Variants in TNS3 observed in about 807,000 individuals in gnomAD.
The protein encoded by TNS3 is tensin 3.
A neutral mutation model predicts 140.9 loss-of-function variants in TNS3; 45 were observed. That is an observed-to-expected ratio of 0.32 (90% CI 0.25 to 0.41). The LOEUF (loss-of-function observed/expected upper bound fraction) is 0.41, where lower values mean the gene tolerates loss of function less well. Among genes scored for constraint, TNS3 ranks in the 10% least tolerant of loss-of-function variants. TNS3 has a pLI of 1.00. For missense variants in TNS3, 1,716 were observed against 1,906.7 expected (o/e 0.90, Z 1.86); for synonymous variants, 815 against 788.4 (o/e 1.03, Z -0.56).
intron 27 of TNS3, among the ~76,000 whole-genome samples, chr7:47,289,369 G>A (rs7791236): frequency 0.38 from 57,153 of 151,992 alleles, 11,289 homozygotes; most frequent in Non-Finnish European, 0.44. Flanking sequence ...TTGAAAGTCA[G>A]GGTTTGAAAG....
intron 2 of TNS3, 111 bp from the exon 3 acceptor site, chr7:47,507,055 A>T (rs569912585): frequency 2.2e-6 from 2 of 897,310 alleles, no homozygotes; most frequent in African/African-American, 1.7e-5. Flanking sequence ...AAGATCCCAT[A>T]GGTGGCCTCT....
chr7:47,522,606 T>C (rs1466049268), intron 2 of TNS3, among the ~76,000 whole-genome samples: 3 of 152,224 alleles, frequency 2.0e-5, no homozygotes, highest in African/African-American at 7.2e-5. Context: ...AAAAGACTTC[T>C]GAAACATGGA....
chr7:47,302,815 C>A, intron 22 of TNS3, 135 bp downstream of exon 22: 1 of 1,249,718 alleles, frequency 8.0e-7, no homozygotes. Flanking sequence ...GAAAAGTACC[C>A]CAACGGCTCT....
chr7:47,563,361 C>T (rs1431666527), intron 1 of TNS3, among the ~76,000 whole-genome samples: 1 of 152,244 alleles, frequency 6.6e-6, no homozygotes, highest in Non-Finnish European at 1.5e-5. Context: ...TGGGTGCTCA[C>T]TCTGAAAGGT....
chr7:47,400,712 T>G (rs1793107113), intron 14 of TNS3, 73 bp downstream of exon 14: 2 of 1,583,270 alleles, frequency 1.3e-6, no homozygotes, highest in Admixed American at 1.8e-5. Flanking sequence ...GTAAAGGGGA[T>G]AGTGAAAGAA....
In TNS3 at chr7:47,435,271, GGC is replaced by G. The variant is rs2151535950; in HGVS notation, c.324+9_324+10del. 2.5e-6 allele frequency: 4 copies of G among 1,613,614 alleles called. No homozygotes were observed. In the East Asian group the frequency reaches 8.9e-5, roughly 36 times the overall value. On this transcript the variant is annotated intron_variant, in intron 8 of 30. Coordinates refer to ENST00000311160, the MANE Select transcript of TNS3 (RefSeq NM_022748.12). Reference sequence around the variant, plus strand: ...AGCCAGACCCCCAAATGTGAGAGGGGGCGCACTCACCCTGCAGTGAATGACGA... The same window carrying G: ...AGCCAGACCCCCAAATGTGAGAGGGGGCACTCACCCTGCAGTGAATGACGA...
chr7:47,355,542 G>A (rs1789944909), intron 17 of TNS3, among the ~76,000 whole-genome samples: 2 of 152,178 alleles, frequency 1.3e-5, no homozygotes. Flanking sequence ...AGCCCAGCCT[G>A]GGGGTCAGCA....
At chr7:47,391,228 T>A (rs1430187336) in intron 16 of TNS3, among the ~76,000 whole-genome samples, 1 of 152,154 alleles carries the variant, frequency 6.6e-6, no homozygotes, top group African/African-American at 2.4e-5. Flanking sequence ...ACAGGCAAAG[T>A]GGTTGTTTCT....
chr7:47,325,380 C>T (rs1787972183), intron 20 of TNS3, among the ~76,000 whole-genome samples: 1 of 152,146 alleles, frequency 6.6e-6, no homozygotes, highest in African/African-American at 2.4e-5. Flanking sequence ...ACCCACCTGC[C>T]TTCTCCACCC....
At position 47,529,077 on chromosome 7, in the gene TNS3, A is replaced by T; in HGVS notation, c.-194T>A. On this transcript the variant is annotated 5_prime_UTR_variant, in exon 2 of 31. Transcript: ENST00000311160. The stretch of plus-strand genomic sequence containing the variant: ...TTGACCGTCAATAATTTGTTTGCAA[A>T]CTCCACACACTTTGGATTTTTTAAA... 1 of 1,288,332 alleles carries T rather than the reference A, an allele frequency of 7.8e-7. No individual in the cohort carries two copies. The allele number at this position is 1,288,332 out of a possible 1,614,324, so 79.8% of individuals were successfully genotyped here.
chr7:47,428,322 C>A lies in TNS3; in HGVS notation c.379G>T (p.Val127Phe). ...ACATCTTCATCCTACCTGGCTGAGA[C>A]GTTGGTGAAATGCATGTAGGATGAT... ...VISSYMHFTN[V>F]SASADQALDR... is the part of the protein sequence containing the mutation. The change falls in exon 9 of 31, where the codon GTC becomes TTC. Residue 127 changes from valine (V) to phenylalanine (F), a missense_variant. Physicochemically the swap from Val to Phe is conservative, Grantham distance 50. This residue lies in a region of TNS3 where 337 missense variants were observed against 428.9 expected (regional missense o/e 0.79). Coordinates refer to ENST00000311160, the MANE Select transcript of TNS3 (RefSeq NM_022748.12). 1 of 1,445,004 alleles carries A rather than the reference C, an allele frequency of 6.9e-7. No homozygotes were observed. Among genetic ancestry groups the A allele is most frequent in the South Asian group, 1.6e-5 (1 of 63,722 alleles). 89.5% of individuals were successfully genotyped at this position (1,445,004 alleles called of 1,614,324 possible).
chr7:47,439,663 G>A lies in TNS3; in HGVS notation c.-22-5C>T, dbSNP rs778560019. ...GTGGGACTCAGGATGACGGGCCTGC[G>A]AGAGAGCAGTGGGCAGATCAGAAAC... On this transcript the variant is annotated splice_region_variant and splice_polypyrimidine_tract_variant and intron_variant, in intron 5 of 30. Transcript: ENST00000311160. 6.2e-6 allele frequency: 10 copies of A among 1,613,534 alleles called. No homozygotes were observed. The highest frequency in any genetic ancestry group is 2.2e-5 in the East Asian group (1 of 44,844).
chr7:47,309,405 A>C (rs572030262), intron 20 of TNS3, among the ~76,000 whole-genome samples: 28 of 152,330 alleles, frequency 1.8e-4, no homozygotes, highest in Middle Eastern at 6.8e-3. Context: ...GAGCAAAAAA[A>C]AAATATGCTA....
At position 47,400,765 on chromosome 7, in the gene TNS3, C is replaced by T. The variant is rs1793112291; in HGVS notation, c.853+20G>A. On this transcript the variant is annotated intron_variant, in intron 14 of 30. Transcript: ENST00000311160. ...ACCGCAGCTGCCCACAAGCACAGGG[C>T]CGCCAGCTCCGCGCCTCACCTTTGC... is the stretch of plus-strand genomic sequence containing the variant. The T allele has an allele frequency of 6.2e-7, 1 of 1,612,432 alleles. No homozygotes were observed. Among genetic ancestry groups the T allele is most frequent in the Admixed American group, 1.7e-5 (1 of 59,972 alleles).
chr7:47,335,351 C>G (rs192461421), intron 20 of TNS3, among the ~76,000 whole-genome samples: 1 of 152,366 alleles, frequency 6.6e-6, no homozygotes, highest in Admixed American at 6.5e-5. Context: ...CTGCCATCTC[C>G]TGCTCCTGTC....
intron 5 of TNS3, 37 bp from the exon 6 acceptor site, chr7:47,439,695 A>G: frequency 1.2e-6 from 2 of 1,602,952 alleles, no homozygotes; most frequent in Non-Finnish European, 1.7e-6. Context: ...AAACAGGGTA[A>G]GGAGGCAGCA....
chr7:47,494,822 T>C (rs1797942141), intron 3 of TNS3, among the ~76,000 whole-genome samples: 1 of 152,050 alleles, frequency 6.6e-6, no homozygotes, highest in Admixed American at 6.5e-5. Flanking sequence ...CCTGAATCCC[T>C]GCCTAAAATT....
intron 4 of TNS3, among the ~76,000 whole-genome samples, chr7:47,475,529 TC>T (rs932968662): frequency 1.9e-4 from 4 of 20,788 alleles, no homozygotes; most frequent in African/African-American, 2.5e-4. Context: ...AGGCGGCACT[TC>T]CCCGGGGGGG....
chr7:47,561,165 T>G (rs1033889871), intron 1 of TNS3, among the ~76,000 whole-genome samples: 1 of 152,234 alleles, frequency 6.6e-6, no homozygotes, highest in Non-Finnish European at 1.5e-5. Context: ...CTAGGTTTAT[T>G]CTTCTGTAGC....
Sources: allele counts gnomAD v4.1 joint callset (sites outside exome capture counted in the v4.1 genomes callset), GRCh38; gene constraint gnomAD v4.1.1; regional missense constraint gnomAD v4.1.1; transcripts MANE v1.5; gene names NCBI Gene and HGNC (gene_info 2026-07-23, HGNC 2026-07-21).